Variants in KNDC1 observed in about 807,000 individuals in gnomAD.
The protein encoded by KNDC1 is kinase non-catalytic C-lobe domain-containing protein 1.
A neutral mutation model predicts 172.8 loss-of-function variants in KNDC1; 106 were observed. The observed-to-expected ratio is 0.61, with a 90% CI of 0.52 to 0.72. The LOEUF (loss-of-function observed/expected upper bound fraction) is 0.72. KNDC1 is among the 30% of genes least tolerant of loss of function. The pLI is 0.00. For synonymous variants in KNDC1, 1,083 were observed against 1,062.2 expected, an observed-to-expected ratio of 1.02 and a Z score of -0.38; for missense variants, 2,325 against 2,394.5, an observed-to-expected ratio of 0.97 and a Z score of 0.61.
In KNDC1 at chr10:133,209,588, CGT is replaced by C. The variant is rs1564897230; in HGVS notation, c.3795-1020_3795-1019del. ...TGGCTTTGTCCACGTGTGTGGCGTG[CGT>C]GTCTGTGGTTGTACAGTTTGTGGCT... On this transcript the variant is annotated intron_variant, in intron 20 of 29. Coordinates refer to ENST00000304613, the MANE Select transcript of KNDC1 (RefSeq NM_152643.8). The surrounding 1 kb of genome is among the most constrained non-coding windows in gnomAD (Gnocchi z 4.9). Among the ~76,000 whole-genome samples, 2 of 151,902 alleles carry C rather than the reference CGT, an allele frequency of 1.3e-5. No individual in the cohort carries two copies. Among genetic ancestry groups the C allele is most frequent in the Admixed American group, 1.3e-4 (2 of 15,246 alleles).
At chr10:133,208,133 A>T (rs1845253893) in intron 20 of KNDC1, among the ~76,000 whole-genome samples, 1 of 152,142 alleles carries the variant, frequency 6.6e-6, no homozygotes, top group South Asian at 2.1e-4. Flanking sequence ...GGGGCCCAGC[A>T]AAGGACGCCA....
At position 133,206,845 on chromosome 10, in the gene KNDC1, T is replaced by C. The variant is rs751980807; in HGVS notation, c.3482-11T>C. 7.4e-6 allele frequency: 12 copies of C among 1,613,842 alleles called. No individual in the cohort carries two copies. Among genetic ancestry groups the C allele is most frequent in the Non-Finnish European group, 1.0e-5 (12 of 1,179,800 alleles). On this transcript the variant is annotated splice_polypyrimidine_tract_variant and intron_variant, in intron 18 of 29. Coordinates refer to ENST00000304613, the MANE Select transcript of KNDC1 (RefSeq NM_152643.8). ...GCAGCCCGGCCCCCACCCACTCTGCTCCACCCACAGGTTCCGACGTCAAGA... is the reference window on the plus strand; with the variant it reads ...GCAGCCCGGCCCCCACCCACTCTGCCCCACCCACAGGTTCCGACGTCAAGA...
rs776586133 is a variant in KNDC1, at chr10:133,160,441, G to T, written c.-27G>T. ...CCAGCCCAGCCCAGCCGGAGGCCCC[G>T]GGGGCGGTGCGCGGCGCGGCCGCAG... On this transcript the variant is annotated 5_prime_UTR_variant, in exon 1 of 30. Transcript: ENST00000304613. 1 of 1,460,958 alleles carries T rather than the reference G, an allele frequency of 6.8e-7. No homozygotes were observed. The highest frequency in any genetic ancestry group is 1.3e-5 in the South Asian group (1 of 76,974). 90.5% of individuals were successfully genotyped at this position (1,460,958 alleles called of 1,614,324 possible). A position where few individuals can be genotyped will look rare whatever the true frequency, so the allele number is the denominator to read the frequency against.
Position 133,199,202 on chromosome 10 carries a change from C to T in KNDC1, c.2694C>T (p.Arg898=), listed in dbSNP as rs1004025364. The T allele has an allele frequency of 2.5e-6, 4 of 1,582,538 alleles. No individual in the cohort carries two copies. The highest frequency in any genetic ancestry group is 3.4e-6 in the Non-Finnish European group (4 of 1,164,654). The change falls in exon 14 of 30, where the codon CGC becomes CGT. Residue 898 remains arginine (R), a synonymous_variant. Coordinates refer to ENST00000304613, the MANE Select transcript of KNDC1 (RefSeq NM_152643.8). ...GCCCGTCGCTGCAGGAGGCCACGCG[C>T]CTCATCCAGGAGGAATTTGCCTTCG... ...TACPSLQEAT[R]LIQEEFAFDG... is the part of the protein sequence containing the mutation.
In KNDC1 at chr10:133,201,437, C is replaced by T. The variant is rs546825654; in HGVS notation, c.2990-64C>T. 88 of 1,508,706 alleles carry T rather than the reference C, an allele frequency of 5.8e-5. No homozygotes were observed. The East Asian group carries it at 1.8e-3, about 31-fold the overall frequency. 93.5% of individuals were successfully genotyped at this position (1,508,706 alleles called of 1,614,324 possible). On this transcript the variant is annotated intron_variant, in intron 16 of 29. Coordinates refer to ENST00000304613, the MANE Select transcript of KNDC1 (RefSeq NM_152643.8). ...GCAAGCACCACCGGCCTCCCATTAA[C>T]AGCCTGCCCGGGCTCCGCCCACAGG...
chr10:133,180,874 G>A (rs189890249), intron 3 of KNDC1, among the ~76,000 whole-genome samples: 2 of 152,262 alleles, frequency 1.3e-5, no homozygotes, highest in Admixed American at 6.5e-5. Flanking sequence ...TTACAAAAAT[G>A]CAAATTAACT....
chr10:133,183,772 T>C (rs2135972871), intron 4 of KNDC1, 100 bp from the exon 5 acceptor site: 1 of 987,726 alleles, frequency 1.0e-6, no homozygotes, highest in Non-Finnish European at 1.5e-6. Flanking sequence ...CTGGGGACTG[T>C]CCCCAGGTCA....
chr10:133,202,976 G>A (rs963290018), intron 17 of KNDC1, among the ~76,000 whole-genome samples: 1 of 152,080 alleles, frequency 6.6e-6, no homozygotes, highest in African/African-American at 2.4e-5. Context: ...GTCCAGCAGG[G>A]AGCACTCAGC....
Position 133,182,861 on chromosome 10 carries a change from G to A in KNDC1, c.361-483G>A, listed in dbSNP as rs540098380. On this transcript the variant is annotated intron_variant, in intron 3 of 29. Transcript: ENST00000304613. Reference sequence around the variant, plus strand: ...CAGTGTGGGCGCAGGTGGTGTGGGCGTGGGTGGCATGGGCGCAGGCGGCAA... The same window carrying A: ...CAGTGTGGGCGCAGGTGGTGTGGGCATGGGTGGCATGGGCGCAGGCGGCAA... 1.8e-3 allele frequency among the ~76,000 whole-genome samples: 263 copies of A among 150,012 alleles called. 2 individuals carry two copies. The highest frequency in any genetic ancestry group is 6.0e-3 in the African/African-American group (248 of 41,042).
At position 133,165,248 on chromosome 10, in the gene KNDC1, G is replaced by C. The variant is rs530501329; in HGVS notation, c.103-2133G>C. On this transcript the variant is annotated intron_variant, in intron 1 of 29. Coordinates refer to ENST00000304613, the MANE Select transcript of KNDC1 (RefSeq NM_152643.8). The stretch of plus-strand genomic sequence containing the variant: ...AATTCAGACACGCCCACCTCTCATG[G>C]GTGCTGGGGCTCCAGGTGTCCGGCT... 1.1e-4 allele frequency among the ~76,000 whole-genome samples: 17 copies of C among 152,340 alleles called. No homozygotes were observed. The South Asian group carries it at 3.3e-3, about 30-fold the overall frequency.
At chr10:133,211,230 C>CTG (rs1845356195) in intron 21 of KNDC1, among the ~76,000 whole-genome samples, 192 bp from the exon 22 acceptor site, 1 of 150,654 alleles carries the variant, frequency 6.6e-6, no homozygotes, top group Non-Finnish European at 1.5e-5. Context: ...CACGCCCAGG[C>CTG]TGGGCACCTC....
chr10:133,177,482 A>G (rs1853573433), intron 3 of KNDC1, among the ~76,000 whole-genome samples: 1 of 152,192 alleles, frequency 6.6e-6, no homozygotes, highest in African/African-American at 2.4e-5. Flanking sequence ...GTGTGCATGC[A>G]TGTAGTATGG....
rs1397910968 is a variant in KNDC1, at chr10:133,211,402, C to T, written c.3909-20C>T. On this transcript the variant is annotated intron_variant, in intron 21 of 29. Coordinates refer to ENST00000304613, the MANE Select transcript of KNDC1 (RefSeq NM_152643.8). ...CGACTCCCACATCCTGGCAGCTCAG[C>T]AGCTCCCCTGCGTCTCCAGGGCCCA... 10 of 1,606,678 alleles carry T rather than the reference C, an allele frequency of 6.2e-6. No homozygotes were observed. The highest frequency in any genetic ancestry group is 8.5e-6 in the Non-Finnish European group (10 of 1,177,298).
chr10:133,161,910 C>T (rs1159599571), intron 1 of KNDC1, among the ~76,000 whole-genome samples: 2 of 152,228 alleles, frequency 1.3e-5, no homozygotes, highest in Non-Finnish European at 2.9e-5. Flanking sequence ...GTGCCACGCA[C>T]ACAACACGCC....
chr10:133,207,597 G>A (rs559843294), intron 20 of KNDC1, among the ~76,000 whole-genome samples: 2 of 152,356 alleles, frequency 1.3e-5, no homozygotes, highest in Admixed American at 6.5e-5. Context: ...GGTGGTCCCC[G>A]GAGGTGCTGC....
intron 26 of KNDC1, among the ~76,000 whole-genome samples, chr10:133,216,152 C>G (rs1414393211): frequency 3.9e-5 from 6 of 152,220 alleles, no homozygotes; most frequent in Non-Finnish European, 5.9e-5. Flanking sequence ...CAGAGGGCAG[C>G]AGTGATCAAT....
At chr10:133,181,200 G>A (rs1362129791) in intron 3 of KNDC1, among the ~76,000 whole-genome samples, 1 of 152,232 alleles carries the variant, frequency 6.6e-6, no homozygotes, top group Non-Finnish European at 1.5e-5. Context: ...GGGGCACCCA[G>A]GGAAGTGTCG....
chr10:133,185,445 A>G (rs34648275), intron 5 of KNDC1, among the ~76,000 whole-genome samples: 2,600 of 44,284 alleles, frequency 0.059, 66 homozygotes, highest in Middle Eastern at 0.14. Context: ...GCAGTGTGGA[A>G]TAGGCAGTGT....
intron 3 of KNDC1, 142 bp from the exon 4 acceptor site, chr10:133,183,202 C>G: frequency 9.7e-7 from 1 of 1,032,862 alleles, no homozygotes; most frequent in Non-Finnish European, 1.4e-6. Flanking sequence ...AGGGTGTGGG[C>G]AGCGTGGGCA....
Sources: allele counts gnomAD v4.1 joint callset (sites outside exome capture counted in the v4.1 genomes callset), GRCh38; gene constraint gnomAD v4.1.1; non-coding constraint Gnocchi (gnomAD v3.1); transcripts MANE v1.5; gene names NCBI Gene and HGNC (gene_info 2026-07-23, HGNC 2026-07-21).